CA10: variants seen among roughly 807,000 people sequenced by gnomAD.
The protein encoded by CA10 is carbonic anhydrase 10 (inactive).
A neutral mutation model predicts 44.2 loss-of-function variants in CA10; 14 were observed. The observed-to-expected ratio is 0.32, with a 90% CI of 0.21 to 0.50. The LOEUF (loss-of-function observed/expected upper bound fraction) is 0.50, where lower values mean the gene tolerates loss of function less well. Ranked by LOEUF, CA10 falls within the 20% of genes least tolerant of loss-of-function variation. The pLI is 0.99. For missense variants in CA10, 350 were observed against 409.7 expected, an observed-to-expected ratio of 0.85 and a Z score of 1.26; for synonymous variants, 159 against 141.6, an observed-to-expected ratio of 1.12 and a Z score of -0.87.
intron 2 of CA10, among the ~76,000 whole-genome samples, chr17:51,939,765 A>C (rs1187406320): frequency 5.9e-5 from 9 of 151,978 alleles, no homozygotes; most frequent in Admixed American, 3.3e-4. Flanking sequence ...TTTTCATTTC[A>C]ACTTCAGCTG....
rs1441839754 is a variant in CA10 at position 52,111,701 on chromosome 17, T to G, written c.62-39308A>C. 8.5e-5 allele frequency among the ~76,000 whole-genome samples: 13 copies of G among 152,316 alleles called. No individual in the cohort carries two copies. In the East Asian group the frequency reaches 2.5e-3, roughly 29 times the overall value. ...AGTAGGAATGGAGGAAAGCTTTTTGTAAATCACAAGGTGATTTATAAAGGT... is the reference window on the plus strand; with the variant it reads ...AGTAGGAATGGAGGAAAGCTTTTTGGAAATCACAAGGTGATTTATAAAGGT... On this transcript the variant is annotated intron_variant, in intron 1 of 8. Transcript: ENST00000451037.
intron 4 of CA10, among the ~76,000 whole-genome samples, chr17:51,683,758 G>T (rs541424046): frequency 1.3e-5 from 2 of 152,266 alleles, no homozygotes; most frequent in East Asian, 3.9e-4. Context: ...CCCACTGAAG[G>T]CATGTGCACA....
At chr17:52,052,942 A>AGT (rs1005101917) in intron 2 of CA10, among the ~76,000 whole-genome samples, 37 of 151,696 alleles carry the variant, frequency 2.4e-4, no homozygotes, top group African/African-American at 8.7e-4. Context: ...TGAGAGAGAG[A>AGT]GTGTGTGTGA....
At chr17:51,970,616 A>G (rs1984247585) in intron 2 of CA10, among the ~76,000 whole-genome samples, 1 of 152,102 alleles carries the variant, frequency 6.6e-6, no homozygotes, top group Non-Finnish European at 1.5e-5. Context: ...TTGAACCATT[A>G]ACTCGCATGA....
At chr17:51,909,514 C>G (rs1196182617) in intron 3 of CA10, among the ~76,000 whole-genome samples, 1 of 152,072 alleles carries the variant, frequency 6.6e-6, no homozygotes, top group Non-Finnish European at 1.5e-5. Context: ...ACTAAAGAAA[C>G]ATGGCAAGTA....
At chr17:52,059,186 T>A (rs1052461731) in intron 2 of CA10, among the ~76,000 whole-genome samples, 10 of 152,118 alleles carry the variant, frequency 6.6e-5, no homozygotes, top group Non-Finnish European at 1.3e-4. Flanking sequence ...ATTGAGAACA[T>A]AATAAAATTA....
In CA10 at chr17:52,027,235, G is replaced by T. The variant is rs141029910; in HGVS notation, c.136+45084C>A. Among the ~76,000 whole-genome samples the T allele has an allele frequency of 6.3e-3, 952 of 152,206 alleles. 11 individuals carry two copies. The highest frequency in any genetic ancestry group is 0.021 in the African/African-American group (887 of 41,544). On this transcript the variant is annotated intron_variant, in intron 2 of 8. Transcript: ENST00000451037. Reference sequence around the variant, plus strand: ...CAGCTACTGATCAAGAAGAGCCAGAGCTCAGGTGGTAATGTGAGTCATGGG... The same window carrying T: ...CAGCTACTGATCAAGAAGAGCCAGATCTCAGGTGGTAATGTGAGTCATGGG...
At chr17:52,025,545 G>C (rs1442444046) in intron 2 of CA10, among the ~76,000 whole-genome samples, 3 of 151,988 alleles carry the variant, frequency 2.0e-5, no homozygotes, top group Admixed American at 6.6e-5. Flanking sequence ...CATAGGACTA[G>C]ATGGATTTTT....
intron 1 of CA10, among the ~76,000 whole-genome samples, chr17:52,124,068 C>A (rs1989068728): frequency 6.6e-6 from 1 of 152,172 alleles, no homozygotes; most frequent in African/African-American, 2.4e-5. Flanking sequence ...ATATCTTGTT[C>A]AAGATAGTAT....
At chr17:51,694,318 T>C (rs1334389521) in intron 4 of CA10, among the ~76,000 whole-genome samples, 1 of 152,148 alleles carries the variant, frequency 6.6e-6, no homozygotes, top group Non-Finnish European at 1.5e-5. Context: ...CCAGTATCTG[T>C]TGTTTTTTGA....
chr17:51,978,655 C>G (rs35980601), intron 2 of CA10, among the ~76,000 whole-genome samples: 6,227 of 151,904 alleles, frequency 0.041, 186 homozygotes, highest in Middle Eastern at 0.1. Context: ...ACACAATAGG[C>G]ATTAACCATT....
chr17:52,075,903 C>T (rs560967092), intron 1 of CA10, among the ~76,000 whole-genome samples: 137 of 152,164 alleles, frequency 9.0e-4, no homozygotes, highest in Non-Finnish European at 1.5e-3. Context: ...ATACATTTGC[C>T]ACCCCATTAC....
chr17:51,773,060 A>G (rs1313481391), intron 3 of CA10, among the ~76,000 whole-genome samples: 2 of 152,202 alleles, frequency 1.3e-5, no homozygotes, highest in African/African-American at 4.8e-5. Context: ...CAGAGTCAGC[A>G]TCTTAGTTGC....
chr17:52,035,107 A>G (rs1313607067), intron 2 of CA10, among the ~76,000 whole-genome samples: 1 of 152,146 alleles, frequency 6.6e-6, no homozygotes, highest in Non-Finnish European at 1.5e-5. Context: ...GCCTGAAACA[A>G]CAGCCCAAAG....
At chr17:52,018,620 C>A (rs1469182371) in intron 2 of CA10, among the ~76,000 whole-genome samples, 5 of 152,004 alleles carry the variant, frequency 3.3e-5, no homozygotes, top group East Asian at 1.9e-4. Flanking sequence ...TTTGATTTGA[C>A]AATCTCGTAG....
Position 51,642,948 on chromosome 17 carries a change from AC to A in CA10, c.634+6233del, listed in dbSNP as rs1290078555. On this transcript the variant is annotated intron_variant, in intron 6 of 8. Transcript: ENST00000451037. ...GTGAGTCAACACGCCCAGCCACCAT[AC>A]CTTTTTAAATTTGAAATTTGTGATC... 5.3e-5 allele frequency among the ~76,000 whole-genome samples: 8 copies of A among 152,276 alleles called. No homozygotes were observed. The South Asian group carries it at 1.0e-3, about 20-fold the overall frequency.
chr17:51,905,749 T>C (rs2143940233), intron 3 of CA10, among the ~76,000 whole-genome samples: 1 of 152,174 alleles, frequency 6.6e-6, no homozygotes, highest in African/African-American at 2.4e-5. Context: ...ATTACTCTAG[T>C]CAACTCACGC....
rs576720277 is a variant in CA10, at chr17:51,820,803, T to G, written c.280-72985A>C. 5.3e-5 allele frequency among the ~76,000 whole-genome samples: 8 copies of G among 152,166 alleles called. No individual in the cohort carries two copies. The East Asian group carries it at 1.4e-3, about 26-fold the overall frequency. ...TCCCAGAATTAGTGTGAGGGTTATG[T>G]TAGATAATACATTGCATCTAACTTG... On this transcript the variant is annotated intron_variant, in intron 3 of 8. Transcript: ENST00000451037.
At chr17:52,102,255 G>C (rs1266070977) in intron 1 of CA10, among the ~76,000 whole-genome samples, 1 of 152,198 alleles carries the variant, frequency 6.6e-6, no homozygotes, top group Non-Finnish European at 1.5e-5. Flanking sequence ...TCCTTAGAAG[G>C]CTGTTTGTGG....
Sources: gnomAD v4.1 joint callset for allele counts (sites outside exome capture counted in the v4.1 genomes callset) on GRCh38, gnomAD v4.1.1 for gene constraint, MANE v1.5 for transcripts, NCBI Gene and HGNC (gene_info 2026-07-23, HGNC 2026-07-21) for gene names.